Variants in KANSL1L observed in about 807,000 individuals in gnomAD.
KANSL1L encodes the protein KAT8 regulatory NSL complex subunit 1 like, also known as KAT8 regulatory NSL complex subunit 1-like protein.
A neutral mutation model predicts 108.6 loss-of-function variants in KANSL1L; 25 were observed. That is an observed-to-expected ratio of 0.23 (90% CI 0.17 to 0.32). The LOEUF (loss-of-function observed/expected upper bound fraction) is 0.32. Ranked by LOEUF, KANSL1L falls within the 10% of genes least tolerant of loss-of-function variation. The pLI is 1.00. For synonymous variants in KANSL1L, 405 were observed against 395.1 expected, an observed-to-expected ratio of 1.03 and a Z score of -0.30; for missense variants, 1,137 against 1,125.7, an observed-to-expected ratio of 1.01 and a Z score of -0.14.
chr2:210,096,633 T>G, intron 5 of KANSL1L: 1 of 985,308 alleles, frequency 1.0e-6, no homozygotes, highest in Non-Finnish European at 1.2e-6. Context: ...TGATGTGTTT[T>G]ATGGGGCAGC....
chr2:210,047,842 C>A (rs956313504), intron 6 of KANSL1L, among the ~76,000 whole-genome samples: 2 of 152,026 alleles, frequency 1.3e-5, no homozygotes, highest in Admixed American at 6.6e-5. Flanking sequence ...GTTCTCTATC[C>A]CCACTACTAG....
At chr2:210,074,902 A>G (rs181386638) in intron 6 of KANSL1L, among the ~76,000 whole-genome samples, 42 of 152,322 alleles carry the variant, frequency 2.8e-4, no homozygotes, top group Non-Finnish European at 4.0e-4. Flanking sequence ...AGCAAGAACT[A>G]GAGATAACTT....
In KANSL1L at chr2:210,167,482, A is replaced by AT. The variant is rs143534691; in HGVS notation, c.-30+3666dup. 8.8e-4 allele frequency among the ~76,000 whole-genome samples: 134 copies of AT among 152,076 alleles called. 1 individual carries two copies. The East Asian group carries it at 0.025, about 28-fold the overall frequency. On this transcript the variant is annotated intron_variant, in intron 1 of 14. Coordinates refer to ENST00000281772, the MANE Select transcript of KANSL1L (RefSeq NM_152519.4). The stretch of plus-strand genomic sequence containing the variant: ...ACTTGTAAGTGCATGACTCATAGTC[A>AT]TTTTTTTCTGTGTATATCGATTTGG...
chr2:210,058,659 C>T (rs2094384272), intron 6 of KANSL1L, among the ~76,000 whole-genome samples: 1 of 151,990 alleles, frequency 6.6e-6, no homozygotes, highest in African/African-American at 2.4e-5. Flanking sequence ...TGGTGAAACC[C>T]CGTCTCTACT....
At chr2:210,097,950 G>T in intron 5 of KANSL1L, 136 bp downstream of exon 5, 1 of 510,294 alleles carries the variant, frequency 2.0e-6, no homozygotes, top group Non-Finnish European at 3.4e-6. Flanking sequence ...TGCATCCATG[G>T]TATATTGATT....
intron 3 of KANSL1L, among the ~76,000 whole-genome samples, chr2:210,115,075 A>T (rs1260394970): frequency 1.3e-5 from 2 of 152,128 alleles, no homozygotes; most frequent in Non-Finnish European, 2.9e-5. Context: ...GCAAAATGAC[A>T]GAAGTAAGTC....
intron 6 of KANSL1L, among the ~76,000 whole-genome samples, chr2:210,072,845 A>T (rs2125318146): frequency 6.6e-6 from 1 of 152,192 alleles, no homozygotes; most frequent in South Asian, 2.1e-4. Flanking sequence ...ACCTCTCCTC[A>T]ATCCTGACCC....
At chr2:210,060,111 C>A (rs2094403697) in intron 6 of KANSL1L, among the ~76,000 whole-genome samples, 1 of 152,050 alleles carries the variant, frequency 6.6e-6, no homozygotes, top group African/African-American at 2.4e-5. Context: ...ATTATTTGTT[C>A]AAAAAAGTGG....
chr2:210,153,159 G>A (rs1375602949), intron 2 of KANSL1L: 4 of 177,674 alleles, frequency 2.3e-5, no homozygotes, highest in East Asian at 1.7e-4. Context: ...TTCGAGACCA[G>A]CCTGACCAAC....
chr2:210,112,461 A>G (rs781459789), intron 3 of KANSL1L, among the ~76,000 whole-genome samples: 4 of 152,204 alleles, frequency 2.6e-5, no homozygotes, highest in Non-Finnish European at 5.9e-5. Flanking sequence ...GTGCTAAAGA[A>G]AAATAACTGT....
At chr2:210,134,729 C>A (rs1311880151) in intron 2 of KANSL1L, among the ~76,000 whole-genome samples, 1 of 152,060 alleles carries the variant, frequency 6.6e-6, no homozygotes, top group South Asian at 2.1e-4. Context: ...AAAATGAGAT[C>A]TTTGGCTGTG....
intron 3 of KANSL1L, among the ~76,000 whole-genome samples, chr2:210,121,658 A>C (rs996623299): frequency 6.6e-6 from 1 of 152,220 alleles, no homozygotes; most frequent in African/African-American, 2.4e-5. Context: ...TAAAAGTTTA[A>C]AAAGAAGAAG....
intron 1 of KANSL1L, among the ~76,000 whole-genome samples, chr2:210,168,215 T>C (rs1388718658): frequency 6.6e-6 from 1 of 152,076 alleles, no homozygotes; most frequent in African/African-American, 2.4e-5. Context: ...GCCCCATTCC[T>C]TTCTGTTTGT....
At chr2:210,067,405 A>C (rs1346857387) in intron 6 of KANSL1L, among the ~76,000 whole-genome samples, 2 of 152,138 alleles carry the variant, frequency 1.3e-5, no homozygotes, top group Non-Finnish European at 2.9e-5. Flanking sequence ...TTATAAGAAT[A>C]GATGTATGTT....
At position 210,074,320 on chromosome 2, in the gene KANSL1L, T is replaced by G. The variant is rs138696859; in HGVS notation, c.1755+1232A>C. 9.7e-3 allele frequency among the ~76,000 whole-genome samples: 1,481 copies of G among 152,258 alleles called. 22 individuals carry two copies. The highest frequency in any genetic ancestry group is 0.03 in the African/African-American group (1,226 of 41,552). ...TCTTTTCTATATATTTCCTAATACC[T>G]CTAACCTTATAAACCCTGAAATATA... On this transcript the variant is annotated intron_variant, in intron 6 of 14. Coordinates refer to ENST00000281772, the MANE Select transcript of KANSL1L (RefSeq NM_152519.4).
At chr2:210,056,416 A>C (rs2094351115) in intron 6 of KANSL1L, among the ~76,000 whole-genome samples, 1 of 152,182 alleles carries the variant, frequency 6.6e-6, no homozygotes, top group African/African-American at 2.4e-5. Flanking sequence ...TGTTGTGCTA[A>C]TCACCGAATC....
At chr2:210,030,882 T>A (rs960552260) in intron 9 of KANSL1L, 1 of 152,210 alleles carries the variant, frequency 6.6e-6, no homozygotes, top group African/African-American at 2.4e-5. Context: ...TATTCCTGTA[T>A]GTACATCAAA....
At chr2:210,084,966 A>G (rs1264828907) in intron 5 of KANSL1L, among the ~76,000 whole-genome samples, 1 of 152,190 alleles carries the variant, frequency 6.6e-6, no homozygotes, top group African/African-American at 2.4e-5. Flanking sequence ...TATTGAAAAT[A>G]AAAGAGACTT....
chr2:210,133,777 T>C (rs562277467), intron 2 of KANSL1L, among the ~76,000 whole-genome samples: 2 of 152,142 alleles, frequency 1.3e-5, no homozygotes, highest in African/African-American at 4.8e-5. Context: ...AAACATTTTA[T>C]AGTTTCTCTT....
Sources: gnomAD v4.1 joint callset for allele counts (sites outside exome capture counted in the v4.1 genomes callset) on GRCh38, gnomAD v4.1.1 for gene constraint, MANE v1.5 for transcripts, NCBI Gene and HGNC (gene_info 2026-07-23, HGNC 2026-07-21) for gene names.